EYS: variants seen among roughly 807,000 people sequenced by gnomAD.
EYS encodes the protein protein eyes shut homolog.
EYS carries 250 observed loss-of-function variants against 282.1 expected under a neutral mutation model. The ratio of observed to expected loss-of-function variants is 0.89; its 90% CI spans 0.80 to 0.98. EYS has a LOEUF of 0.98. EYS is among the 50% of genes least tolerant of loss of function. The pLI, the probability that EYS is intolerant of heterozygous loss-of-function variation, is 0.00. For missense variants in EYS, 4,016 were observed against 3,709.0 expected (o/e 1.08, Z -2.15); for synonymous variants, 1,355 against 1,282.9 (o/e 1.06, Z -1.20).
At chr6:64,994,616 T>G (rs910684998) in intron 14 of EYS, among the ~76,000 whole-genome samples, 1 of 152,254 alleles carries the variant, frequency 6.6e-6, no homozygotes, top group Non-Finnish European at 1.5e-5. Flanking sequence ...TAATTTTCTC[T>G]TCCACTTCAA....
intron 28 of EYS, among the ~76,000 whole-genome samples, chr6:64,432,849 CT>C (rs1233305586): frequency 1.3e-5 from 2 of 151,980 alleles, no homozygotes; most frequent in Admixed American, 1.3e-4. Context: ...AACTTTACTG[CT>C]TTGTCCCATT....
At chr6:64,730,260 G>A (rs148767105) in intron 22 of EYS, among the ~76,000 whole-genome samples, 2 of 152,156 alleles carry the variant, frequency 1.3e-5, no homozygotes, top group Non-Finnish European at 2.9e-5. Flanking sequence ...CAAAGTGAAA[G>A]AGAGGAAACA....
intron 11 of EYS, among the ~76,000 whole-genome samples, chr6:65,301,638 C>A (rs529826604): frequency 2.0e-5 from 3 of 152,256 alleles, no homozygotes. Context: ...AGAAAGCCAC[C>A]GACCTTATTC....
chr6:63,733,864 C>A (rs1212942543), intron 41 of EYS, among the ~76,000 whole-genome samples: 1 of 152,132 alleles, frequency 6.6e-6, no homozygotes, highest in Non-Finnish European at 1.5e-5. Flanking sequence ...TCTTATAAGG[C>A]AGTAAGCAAA....
At chr6:64,757,744 T>TTGTGTGTGTGTGTG (rs66825340) in intron 22 of EYS, among the ~76,000 whole-genome samples, 187 of 139,896 alleles carry the variant, frequency 1.3e-3, no homozygotes, top group African/African-American at 1.5e-3. Context: ...CTTTTTTTCT[T>TTGTGTGTGTGTGTG]TGTGTGTGTG....
chr6:64,979,105 G>T (rs1770568882), intron 14 of EYS, among the ~76,000 whole-genome samples: 1 of 151,794 alleles, frequency 6.6e-6, no homozygotes, highest in South Asian at 2.1e-4. Context: ...CTATTAAACA[G>T]CAGCGCTATA....
At chr6:63,837,138 A>G (rs1009126306) in intron 36 of EYS, among the ~76,000 whole-genome samples, 3 of 152,140 alleles carry the variant, frequency 2.0e-5, no homozygotes, top group South Asian at 2.1e-4. Flanking sequence ...AAAAAAATAT[A>G]GAAACATTTT....
chr6:65,449,943 G>A (rs1764343925), intron 5 of EYS, among the ~76,000 whole-genome samples: 1 of 151,996 alleles, frequency 6.6e-6, no homozygotes, highest in South Asian at 2.1e-4. Flanking sequence ...TAAAAGCTGA[G>A]TATTTTAAAC....
In EYS at chr6:65,484,048, G is replaced by C. The variant is rs191466509; in HGVS notation, c.862+6546C>G. ...GTGGGGACACAGTCAAGCCATATCCGATGGATAGATATAGACATATTTTAT... is the reference window on the plus strand; with the variant it reads ...GTGGGGACACAGTCAAGCCATATCCCATGGATAGATATAGACATATTTTAT... On this transcript the variant is annotated intron_variant, in intron 5 of 42. Coordinates refer to ENST00000503581, the MANE Select transcript of EYS (RefSeq NM_001142800.2). 2.1e-3 allele frequency among the ~76,000 whole-genome samples: 316 copies of C among 152,020 alleles called. 2 individuals are homozygous for C. Among genetic ancestry groups the C allele is most frequent in the South Asian group, 0.012 (56 of 4,822 alleles).
intron 23 of EYS, among the ~76,000 whole-genome samples, chr6:64,623,118 T>C (rs1448723478): frequency 1.3e-5 from 2 of 152,190 alleles, no homozygotes; most frequent in African/African-American, 2.4e-5. Context: ...GCCTTTGTTT[T>C]TTAATGATTG....
At chr6:65,654,355 C>A (rs1287878896) in intron 1 of EYS, among the ~76,000 whole-genome samples, 1 of 151,688 alleles carries the variant, frequency 6.6e-6, no homozygotes, top group African/African-American at 2.4e-5. Context: ...AGATTGTATA[C>A]AAGAAATCCT....
intron 37 of EYS, among the ~76,000 whole-genome samples, chr6:63,791,280 C>T (rs1010608135): frequency 6.6e-6 from 1 of 152,076 alleles, no homozygotes; most frequent in African/African-American, 2.4e-5. Context: ...TTAAGAACTG[C>T]TGGGGCCGGG....
intron 35 of EYS, among the ~76,000 whole-genome samples, chr6:63,892,892 C>A (rs929830638): frequency 2.0e-5 from 3 of 152,098 alleles, no homozygotes; most frequent in African/African-American, 7.2e-5. Context: ...AAGAAAAAAA[C>A]CAACAACCCC....
chr6:64,039,476 A>C (rs1770283568), intron 33 of EYS, among the ~76,000 whole-genome samples: 1 of 152,190 alleles, frequency 6.6e-6, no homozygotes, highest in East Asian at 1.9e-4. Context: ...GGGATAAATA[A>C]AAGAGGAAGC....
intron 1 of EYS, among the ~76,000 whole-genome samples, chr6:65,661,530 G>T (rs1297814298): frequency 6.6e-6 from 1 of 151,910 alleles, no homozygotes; most frequent in African/African-American, 2.4e-5. Flanking sequence ...GGTCACTTAG[G>T]CTCCAATAAT....
intron 27 of EYS, among the ~76,000 whole-genome samples, chr6:64,438,575 G>A (rs532718304): frequency 5.7e-4 from 87 of 151,538 alleles, no homozygotes; most frequent in African/African-American, 2.0e-3. Flanking sequence ...TATAAAAATG[G>A]TAACAATTAT....
chr6:65,331,604 T>C (rs1026576859), intron 11 of EYS: 2 of 978,574 alleles, frequency 2.0e-6, no homozygotes, highest in African/African-American at 1.8e-5. Context: ...CAAGATTCTC[T>C]GGATATCAAA....
rs577766242 is a variant in EYS, at chr6:63,763,303, A to G, written c.7899-670T>C. 5.1e-4 allele frequency among the ~76,000 whole-genome samples: 77 copies of G among 152,184 alleles called. 2 individuals are homozygous for G. Among genetic ancestry groups the G allele is most frequent in the African/African-American group, 1.8e-3 (76 of 41,540 alleles). ...ACCTTGTCTGGGTTTAGAGAGTGAT[A>G]TTGGGAGGAGCCCAGCAGAAAACTT... is the stretch of plus-strand genomic sequence containing the variant. On this transcript the variant is annotated intron_variant, in intron 40 of 42. Transcript: ENST00000503581.
At chr6:65,001,323 A>G (rs1354196385) in intron 13 of EYS, among the ~76,000 whole-genome samples, 1 of 146,980 alleles carries the variant, frequency 6.8e-6, no homozygotes, top group Non-Finnish European at 1.5e-5. Flanking sequence ...GGGGAAGTGA[A>G]AGCAGGGGAT....
Sources: gnomAD v4.1 joint callset for allele counts (sites outside exome capture counted in the v4.1 genomes callset) on GRCh38, gnomAD v4.1.1 for gene constraint, MANE v1.5 for transcripts, NCBI Gene and HGNC (gene_info 2026-07-23, HGNC 2026-07-21) for gene names.